IQUB: variants seen among roughly 807,000 people sequenced by gnomAD.
IQUB encodes the protein IQ motif and ubiquitin domain containing.
A neutral mutation model predicts 86.4 loss-of-function variants in IQUB; 86 were observed. That is an observed-to-expected ratio of 1.00 (90% CI 0.84 to 1.19). The LOEUF is 1.19. Ranked by LOEUF, IQUB falls within the 50% of genes most tolerant of loss-of-function variation. The probability of loss-of-function intolerance (pLI) is 0.00; values close to 1 mark genes in which losing one functional copy is unlikely to be tolerated. For synonymous variants in IQUB, 289 were observed against 304.5 expected (o/e 0.95, Z 0.53); for missense variants, 946 against 916.9 (o/e 1.03, Z -0.41).
intron 8 of IQUB, among the ~76,000 whole-genome samples, chr7:123,470,933 T>G (rs557127154): frequency 1.3e-5 from 2 of 152,200 alleles, no homozygotes; most frequent in South Asian, 4.1e-4. Flanking sequence ...AACTAATTTT[T>G]TATATTTCAC....
At chr7:123,476,990 A>T (rs1383258176) in intron 8 of IQUB, among the ~76,000 whole-genome samples, 1 of 152,198 alleles carries the variant, frequency 6.6e-6, no homozygotes, top group South Asian at 2.1e-4. Context: ...AAGAATCAAT[A>T]TCATGAAAAT....
chr7:123,482,789 G>A (rs1412471871), intron 7 of IQUB, among the ~76,000 whole-genome samples: 1 of 152,014 alleles, frequency 6.6e-6, no homozygotes, highest in East Asian at 1.9e-4. Context: ...TGGGTACTTT[G>A]CCCATTCTTC....
chr7:123,525,719 TTA>T (rs1331461919), intron 1 of IQUB, among the ~76,000 whole-genome samples: 2 of 152,194 alleles, frequency 1.3e-5, no homozygotes, highest in African/African-American at 4.8e-5. Context: ...TGCTCTGATT[TTA>T]GTTATTTCTT....
At chr7:123,478,579 G>A (rs900202230) in intron 8 of IQUB, among the ~76,000 whole-genome samples, 1 of 151,916 alleles carries the variant, frequency 6.6e-6, no homozygotes, top group Non-Finnish European at 1.5e-5. Context: ...ATAAAAAAAA[G>A]AAACAATGTA....
chr7:123,515,261 G>A (rs949567927), intron 1 of IQUB, among the ~76,000 whole-genome samples: 1 of 151,940 alleles, frequency 6.6e-6, no homozygotes, highest in Non-Finnish European at 1.5e-5. Flanking sequence ...TAGCCAAGAT[G>A]GTATCTTCTA....
chr7:123,472,271 GAAAT>G (rs1456693215), intron 8 of IQUB, among the ~76,000 whole-genome samples: 2 of 151,524 alleles, frequency 1.3e-5, no homozygotes, highest in Admixed American at 6.6e-5. Flanking sequence ...GAAAAGGAAA[GAAAT>G]AAAGAAAGAA....
chr7:123,502,282 T>C (rs1795980684), intron 6 of IQUB: 1 of 277,312 alleles, frequency 3.6e-6, no homozygotes, highest in Non-Finnish European at 6.6e-6. Flanking sequence ...TCTCGAAAGT[T>C]CCCTTGGTGA....
At chr7:123,528,118 G>A (rs1220282000) in intron 1 of IQUB, among the ~76,000 whole-genome samples, 2 of 152,214 alleles carry the variant, frequency 1.3e-5, no homozygotes, top group Admixed American at 6.5e-5. Context: ...CTAGGAAAGG[G>A]AACTCCCTGA....
chr7:123,488,985 G>A (rs1795338864), intron 7 of IQUB, among the ~76,000 whole-genome samples: 1 of 152,044 alleles, frequency 6.6e-6, no homozygotes, highest in Non-Finnish European at 1.5e-5. Context: ...CAACAAAATG[G>A]ATGAATCTCA....
At chr7:123,453,263 A>AATGAATAT (rs1793523330) in intron 12 of IQUB, among the ~76,000 whole-genome samples, 1 of 138,232 alleles carries the variant, frequency 7.2e-6, no homozygotes, top group Non-Finnish European at 1.6e-5. Context: ...ATCTAGTTAG[A>AATGAATAT]ATATATATAT....
At chr7:123,516,866 A>G (rs1031655529) in intron 1 of IQUB, among the ~76,000 whole-genome samples, 9 of 152,210 alleles carry the variant, frequency 5.9e-5, no homozygotes, top group African/African-American at 2.2e-4. Flanking sequence ...AGGAACTAAA[A>G]ATTATGACAG....
At chr7:123,519,976 C>T (rs1341430872) in intron 1 of IQUB, among the ~76,000 whole-genome samples, 3 of 151,928 alleles carry the variant, frequency 2.0e-5, no homozygotes, top group East Asian at 3.9e-4. Flanking sequence ...TTCATTCATG[C>T]TTTCAACAAA....
chr7:123,511,305 T>C (rs561037501), intron 2 of IQUB, among the ~76,000 whole-genome samples: 1 of 152,284 alleles, frequency 6.6e-6, no homozygotes, highest in African/African-American at 2.4e-5. Flanking sequence ...CAGTTAACCA[T>C]GCAACTAGAA....
intron 1 of IQUB, among the ~76,000 whole-genome samples, chr7:123,516,238 G>C (rs935165040): frequency 6.6e-6 from 1 of 152,180 alleles, no homozygotes; most frequent in Non-Finnish European, 1.5e-5. Flanking sequence ...TGTAAGGTCA[G>C]TAGTATAGGA....
At chr7:123,465,861 T>C (rs1794232684) in intron 9 of IQUB, among the ~76,000 whole-genome samples, 1 of 152,018 alleles carries the variant, frequency 6.6e-6, no homozygotes, top group Non-Finnish European at 1.5e-5. Context: ...CTAATTTAAC[T>C]GCTCTGAAGT....
At chr7:123,517,436 C>T (rs914083194) in intron 1 of IQUB, among the ~76,000 whole-genome samples, 4 of 136,080 alleles carry the variant, frequency 2.9e-5, no homozygotes, top group African/African-American at 1.1e-4. Flanking sequence ...GAGGCTGAGG[C>T]AAGAGAATGG....
chr7:123,534,352 G>C (rs1797664316), intron 1 of IQUB, 140 bp downstream of exon 1: 1 of 152,338 alleles, frequency 6.6e-6, no homozygotes, highest in African/African-American at 2.4e-5. Flanking sequence ...GAACATTCCT[G>C]ACCGACTAGG....
intron 1 of IQUB, among the ~76,000 whole-genome samples, chr7:123,524,172 G>T (rs1265165631): frequency 6.7e-6 from 1 of 148,986 alleles, no homozygotes; most frequent in East Asian, 1.9e-4. Flanking sequence ...GCTTAGGATT[G>T]ACTTGGTGAT....
chr7:123,496,877 T>C lies in IQUB; in HGVS notation c.1053A>G (p.Gln351=), dbSNP rs1417874436. ...TCTCTACGAAGATTTTAGCATGCCA[T>C]TGCCTGTAGTAAGTCTGTATCACTA... ...AVIVIQTYYR[Q]WHAKIFVENL... Residue 351 remains glutamine (Q), a synonymous_variant, in exon 7 of 13, where the codon CAA becomes CAG. Coordinates refer to ENST00000324698, the MANE Select transcript of IQUB (RefSeq NM_178827.5). 6.2e-7 allele frequency: 1 copy of C among 1,611,838 alleles called. No homozygotes were observed. Among genetic ancestry groups the C allele is most frequent in the South Asian group, 1.1e-5 (1 of 90,980 alleles).
Sources: gnomAD v4.1 joint callset for allele counts (sites outside exome capture counted in the v4.1 genomes callset) on GRCh38, gnomAD v4.1.1 for gene constraint, MANE v1.5 for transcripts, NCBI Gene and HGNC (gene_info 2026-07-23, HGNC 2026-07-21) for gene names.